Variants in DKK2 observed in about 807,000 individuals in gnomAD.
DKK2 encodes dickkopf-related protein 2.
In DKK2, 11 loss-of-function variants were observed where a neutral mutation model predicts 28.1. That is an observed-to-expected ratio of 0.39 (90% CI 0.25 to 0.65). The LOEUF is 0.65. Ranked by LOEUF, DKK2 falls within the 30% of genes least tolerant of loss-of-function variation. The pLI, the probability that DKK2 is intolerant of heterozygous loss-of-function variation, is 0.47. For missense variants in DKK2, 326 were observed against 335.5 expected (o/e 0.97, Z 0.22); for synonymous variants, 135 against 126.5 (o/e 1.07, Z -0.45).
At chr4:106,931,549 A>G (rs900293062) in intron 1 of DKK2, among the ~76,000 whole-genome samples, 2 of 152,196 alleles carry the variant, frequency 1.3e-5, no homozygotes, top group African/African-American at 4.8e-5. Context: ...GTAATTTGAT[A>G]TGAATAAAAT....
intron 1 of DKK2, among the ~76,000 whole-genome samples, chr4:107,013,833 C>A (rs180818083): frequency 4.1e-4 from 62 of 151,524 alleles, no homozygotes; most frequent in African/African-American, 1.5e-3. Context: ...GGAACTCAAA[C>A]CACTCCCTAG....
chr4:106,953,928 G>A (rs913722217), intron 1 of DKK2, among the ~76,000 whole-genome samples: 1 of 152,178 alleles, frequency 6.6e-6, no homozygotes, highest in Non-Finnish European at 1.5e-5. Context: ...GCAATGTGGT[G>A]AGGAAAATCC....
intron 1 of DKK2, among the ~76,000 whole-genome samples, chr4:107,028,753 TA>T (rs941528605): frequency 2.6e-5 from 4 of 152,118 alleles, no homozygotes; most frequent in African/African-American, 9.7e-5. Flanking sequence ...ACTCTAAATT[TA>T]GAGAATTTCC....
At chr4:106,964,946 TATAG>T (rs1220246204) in intron 1 of DKK2, among the ~76,000 whole-genome samples, 183 of 147,000 alleles carry the variant, frequency 1.2e-3, no homozygotes, top group Middle Eastern at 6.9e-3. Flanking sequence ...ATAGATTAGA[TATAG>T]ATAGATAGAT....
chr4:106,997,275 A>C (rs1409185485), intron 1 of DKK2, among the ~76,000 whole-genome samples: 4 of 152,158 alleles, frequency 2.6e-5, no homozygotes, highest in Non-Finnish European at 5.9e-5. Flanking sequence ...GACACGTAGA[A>C]GGCTTTCAAA....
chr4:106,957,816 A>G (rs1031048197), intron 1 of DKK2, among the ~76,000 whole-genome samples: 2 of 147,022 alleles, frequency 1.4e-5, no homozygotes, highest in African/African-American at 2.5e-5. Flanking sequence ...TGACGAGTTA[A>G]TGGGTGCAGC....
intron 1 of DKK2, among the ~76,000 whole-genome samples, chr4:106,960,868 A>G (rs540292226): frequency 3.9e-5 from 6 of 152,280 alleles, no homozygotes; most frequent in African/African-American, 1.4e-4. Context: ...GGACTGGTTT[A>G]TATTTTCCCA....
intron 1 of DKK2, among the ~76,000 whole-genome samples, chr4:106,952,176 C>T (rs1485161331): frequency 6.6e-6 from 1 of 152,144 alleles, no homozygotes; most frequent in Non-Finnish European, 1.5e-5. Context: ...AATTGCTAAG[C>T]TGTTCTTTCC....
chr4:106,984,938 G>T (rs544993371), intron 1 of DKK2, among the ~76,000 whole-genome samples: 1 of 152,150 alleles, frequency 6.6e-6, no homozygotes, highest in African/African-American at 2.4e-5. Flanking sequence ...GGCCGGGCAC[G>T]GTGGCTCACG....
chr4:106,929,171 A>G (rs748648134), intron 1 of DKK2, among the ~76,000 whole-genome samples: 1 of 152,232 alleles, frequency 6.6e-6, no homozygotes, highest in Non-Finnish European at 1.5e-5. Context: ...CCCTTTAACG[A>G]AATCAATAAT....
chr4:106,979,259 TACTC>T (rs1460121277), intron 1 of DKK2, among the ~76,000 whole-genome samples: 3 of 152,032 alleles, frequency 2.0e-5, no homozygotes, highest in Non-Finnish European at 4.4e-5. Flanking sequence ...CCTCATTAAA[TACTC>T]ACAATGACCA....
chr4:107,021,364 C>A (rs1045550553), intron 1 of DKK2, among the ~76,000 whole-genome samples: 1 of 151,854 alleles, frequency 6.6e-6, no homozygotes, highest in African/African-American at 2.4e-5. Context: ...CTTCTAAAAT[C>A]AATTTCTAAA....
intron 1 of DKK2, among the ~76,000 whole-genome samples, chr4:106,961,637 A>T (rs1028411075): frequency 3.3e-5 from 5 of 151,458 alleles, no homozygotes; most frequent in Non-Finnish European, 7.4e-5. Context: ...TTTCTTCGTA[A>T]ACATGGTTTT....
At chr4:107,008,357 T>C (rs930318271) in intron 1 of DKK2, among the ~76,000 whole-genome samples, 2 of 152,052 alleles carry the variant, frequency 1.3e-5, no homozygotes, top group Non-Finnish European at 2.9e-5. Flanking sequence ...TGACCAAAAA[T>C]ATTTAGAACA....
intron 1 of DKK2, among the ~76,000 whole-genome samples, chr4:106,927,066 G>A (rs1391736237): frequency 6.6e-6 from 1 of 151,818 alleles, no homozygotes; most frequent in Admixed American, 6.6e-5. Context: ...TTTTTTAATT[G>A]AAAATACAAA....
intron 1 of DKK2, among the ~76,000 whole-genome samples, chr4:106,965,349 G>A (rs1722759615): frequency 6.6e-6 from 1 of 152,016 alleles, no homozygotes; most frequent in African/African-American, 2.4e-5. Flanking sequence ...CCTTTTGTGA[G>A]TTTAGTGAGT....
chr4:106,994,261 G>T (rs1394536483), intron 1 of DKK2, among the ~76,000 whole-genome samples: 1 of 152,168 alleles, frequency 6.6e-6, no homozygotes, highest in African/African-American at 2.4e-5. Context: ...TTCAGAGCTT[G>T]CCTGCAATGC....
chr4:106,944,938 T>C (rs1179447402), intron 1 of DKK2, among the ~76,000 whole-genome samples: 2 of 152,082 alleles, frequency 1.3e-5, no homozygotes, highest in African/African-American at 2.4e-5. Context: ...CAGAACTTTA[T>C]TCACACAAAC....
chr4:106,942,251 C>T (rs953142416), intron 1 of DKK2, among the ~76,000 whole-genome samples: 1 of 152,058 alleles, frequency 6.6e-6, no homozygotes, highest in African/African-American at 2.4e-5. Context: ...GATGTTGGTC[C>T]CCCACACCAC....
Sources: allele counts gnomAD v4.1 joint callset (sites outside exome capture counted in the v4.1 genomes callset), GRCh38; gene constraint gnomAD v4.1.1; transcripts MANE v1.5; gene names NCBI Gene and HGNC (gene_info 2026-07-23, HGNC 2026-07-21).